The following SCLT1 variants were observed in gnomAD, a reference collection of about 807,000 sequenced individuals.
The protein encoded by SCLT1 is sodium channel-associated protein 1.
In SCLT1, 78 loss-of-function variants were observed where a neutral mutation model predicts 112.8. The ratio of observed to expected loss-of-function variants is 0.69; its 90% CI spans 0.58 to 0.83. The LOEUF (loss-of-function observed/expected upper bound fraction) is 0.83, where lower values mean the gene tolerates loss of function less well. Among genes scored for constraint, SCLT1 ranks in the 40% least tolerant of loss-of-function variants. SCLT1 has a pLI of 0.00. For missense variants in SCLT1, 747 were observed against 770.4 expected (o/e 0.97, Z 0.36); for synonymous variants, 257 against 254.7 (o/e 1.01, Z -0.09).
At position 128,952,779 on chromosome 4, in the gene SCLT1, G is replaced by A. The variant is rs761474010; in HGVS notation, c.1208C>T (p.Ala403Val). The change falls in exon 14 of 21, where the codon GCC becomes GTC. Residue 403 changes from alanine to valine, a missense_variant. Ala to Val is a moderately conservative substitution (Grantham distance 64). This residue lies in a region of SCLT1 where 723 missense variants were observed against 721.3 expected (regional missense o/e 1.00). Transcript: ENST00000281142. ...QISRLTEELS[A>V]LQMECAEKQG... Reference sequence around the variant, plus strand: ...TATAGTCAAACATACCATTTGAAGGGCTGAAAGTTCTTCTGTTAATCGAGA... The same window carrying A: ...TATAGTCAAACATACCATTTGAAGGACTGAAAGTTCTTCTGTTAATCGAGA... The A allele has an allele frequency of 3.2e-6, 5 of 1,551,544 alleles. No homozygotes were observed. In the East Asian group the frequency reaches 9.0e-5, roughly 28 times the overall value.
At chr4:129,040,777 A>G (rs753321102) in intron 4 of SCLT1, among the ~76,000 whole-genome samples, 8 of 152,180 alleles carry the variant, frequency 5.3e-5, no homozygotes, top group Non-Finnish European at 7.3e-5. Flanking sequence ...GACTAGGTCA[A>G]TAAGTCATAA....
At chr4:128,985,076 C>T (rs557759229) in intron 9 of SCLT1, among the ~76,000 whole-genome samples, 26 of 152,068 alleles carry the variant, frequency 1.7e-4, no homozygotes, top group Non-Finnish European at 3.5e-4. Flanking sequence ...AGTATTCCTT[C>T]CACAGGATGT....
intron 9 of SCLT1, among the ~76,000 whole-genome samples, chr4:128,983,563 G>A (rs1383285732): frequency 1.3e-5 from 2 of 152,112 alleles, no homozygotes; most frequent in African/African-American, 4.8e-5. Context: ...AAGGCAAAAA[G>A]GAAGTTACCA....
At chr4:129,033,226 C>A (rs544596127) in intron 5 of SCLT1, among the ~76,000 whole-genome samples, 1 of 151,558 alleles carries the variant, frequency 6.6e-6, no homozygotes, top group South Asian at 2.1e-4. Context: ...CCATTCTTAA[C>A]AAACTAACAC....
intron 18 of SCLT1, among the ~76,000 whole-genome samples, chr4:128,892,589 A>C (rs1733413560): frequency 1.3e-5 from 2 of 152,218 alleles, no homozygotes; most frequent in Admixed American, 1.3e-4. Flanking sequence ...AGTTGAGTGA[A>C]TAGTTGCTAA....
At chr4:129,006,678 C>T (rs991344751) in intron 5 of SCLT1, among the ~76,000 whole-genome samples, 1 of 151,998 alleles carries the variant, frequency 6.6e-6, no homozygotes, top group Admixed American at 6.6e-5. Flanking sequence ...ACTACCTATA[C>T]ATAGTTTAAT....
At chr4:128,891,809 T>C (rs1733349092) in intron 18 of SCLT1, among the ~76,000 whole-genome samples, 1 of 152,114 alleles carries the variant, frequency 6.6e-6, no homozygotes, top group East Asian at 1.9e-4. Context: ...CACGCCTGGA[T>C]AATTTTTTGT....
intron 9 of SCLT1, among the ~76,000 whole-genome samples, chr4:128,973,871 T>A (rs1006136738): frequency 6.6e-6 from 1 of 152,100 alleles, no homozygotes; most frequent in Non-Finnish European, 1.5e-5. Flanking sequence ...CACTGTTCCA[T>A]AGAACAGTTA....
At chr4:129,075,639 T>C (rs535764609) in intron 2 of SCLT1, among the ~76,000 whole-genome samples, 28 of 152,294 alleles carry the variant, frequency 1.8e-4, no homozygotes, top group Admixed American at 4.6e-4. Flanking sequence ...TAATTTCAAG[T>C]GGTCAAAAGC....
chr4:129,034,578 A>G (rs1579790814), intron 5 of SCLT1, among the ~76,000 whole-genome samples: 1 of 151,180 alleles, frequency 6.6e-6, no homozygotes, highest in East Asian at 1.9e-4. Flanking sequence ...AGCTATATAT[A>G]TATATATATA....
intron 11 of SCLT1, among the ~76,000 whole-genome samples, chr4:128,963,836 G>A (rs1349160900): frequency 6.6e-6 from 1 of 152,046 alleles, no homozygotes; most frequent in African/African-American, 2.4e-5. Flanking sequence ...TGTGGGAGGG[G>A]CAGGCATATA....
At chr4:129,045,378 CAA>C (rs1331658086) in intron 2 of SCLT1, among the ~76,000 whole-genome samples, 3 of 152,138 alleles carry the variant, frequency 2.0e-5, no homozygotes, top group Non-Finnish European at 2.9e-5. Flanking sequence ...ACACCAAAAG[CAA>C]AGTTAAAAGA....
intron 2 of SCLT1, among the ~76,000 whole-genome samples, chr4:129,066,465 T>C (rs1561043060): frequency 6.6e-6 from 1 of 152,008 alleles, no homozygotes; most frequent in South Asian, 2.1e-4. Flanking sequence ...TTATAGACCA[T>C]GAATTAGAAT....
At chr4:128,932,034 T>A (rs563854160) in intron 18 of SCLT1, among the ~76,000 whole-genome samples, 1 of 152,250 alleles carries the variant, frequency 6.6e-6, no homozygotes, top group East Asian at 1.9e-4. Context: ...TCAAGTCCTT[T>A]TCTTTCTCAT....
intron 9 of SCLT1, among the ~76,000 whole-genome samples, chr4:128,979,323 A>G (rs1169252915): frequency 1.3e-5 from 2 of 152,126 alleles, no homozygotes; most frequent in African/African-American, 4.8e-5. Flanking sequence ...TGATATTACC[A>G]GGTGGGGCCT....
intron 2 of SCLT1, among the ~76,000 whole-genome samples, chr4:129,051,227 T>C (rs750180354): frequency 4.6e-5 from 7 of 151,926 alleles, no homozygotes; most frequent in Non-Finnish European, 7.4e-5. Flanking sequence ...TGGTTCCACA[T>C]GAAATTTAAA....
chr4:129,074,858 T>A (rs1751326354), intron 2 of SCLT1, among the ~76,000 whole-genome samples: 1 of 152,146 alleles, frequency 6.6e-6, no homozygotes, highest in Non-Finnish European at 1.5e-5. Flanking sequence ...TGCACCATCA[T>A]GCCCGGCTAA....
chr4:128,975,101 C>T (rs918858650), intron 9 of SCLT1, among the ~76,000 whole-genome samples: 9 of 127,784 alleles, frequency 7.0e-5, no homozygotes, highest in Admixed American at 2.8e-4. Context: ...TGCAGTGGTA[C>T]GATCTTGGCT....
rs570786035 is a variant in SCLT1 at position 128,989,954 on chromosome 4, A to G, written c.686+2213T>C. On this transcript the variant is annotated intron_variant, in intron 9 of 20. Transcript: ENST00000281142. The stretch of plus-strand genomic sequence containing the variant: ...TAACAAACAAGGAGATAGAAGTGGC[A>G]ATAAAAAAATCTCCCATCAAAGAAA... Among the ~76,000 whole-genome samples, 44 of 68,364 alleles carry G rather than the reference A, an allele frequency of 6.4e-4. No individual in the cohort carries two copies. In the East Asian group the frequency reaches 8.7e-3, roughly 14 times the overall value. 44.8% of individuals were successfully genotyped at this position (68,364 alleles called of 152,430 possible). A position where few individuals can be genotyped will look rare whatever the true frequency, so the allele number is the denominator to read the frequency against.
Sources: gnomAD v4.1 joint callset for allele counts (sites outside exome capture counted in the v4.1 genomes callset) on GRCh38, gnomAD v4.1.1 for gene constraint, gnomAD v4.1.1 regional missense constraint, MANE v1.5 for transcripts, NCBI Gene and HGNC (gene_info 2026-07-23, HGNC 2026-07-21) for gene names.